Variants in IFT46 observed in about 807,000 individuals in gnomAD.
IFT46 encodes the protein intraflagellar transport protein 46 homolog.
IFT46 carries 19 observed loss-of-function variants against 39.6 expected under a neutral mutation model. That is an observed-to-expected ratio of 0.48 (90% CI 0.33 to 0.70). The LOEUF (loss-of-function observed/expected upper bound fraction) is 0.70, where lower values mean the gene tolerates loss of function less well. IFT46 is among the 30% of genes least tolerant of loss of function. The probability of loss-of-function intolerance (pLI) is 0.01; values close to 1 mark genes in which losing one functional copy is unlikely to be tolerated. For synonymous variants in IFT46, 117 were observed against 134.8 expected (o/e 0.87, Z 0.91); for missense variants, 334 against 364.8 (o/e 0.92, Z 0.69).
intron 6 of IFT46, 77 bp from the exon 7 acceptor site, chr11:118,554,664 CATT>C: frequency 2.8e-6 from 4 of 1,431,886 alleles, no homozygotes; most frequent in Non-Finnish European, 2.8e-6. Context: ...TCTGGTTCAT[CATT>C]ATTACTAGTA....
At chr11:118,562,495 G>A (rs1938093302) in intron 2 of IFT46, among the ~76,000 whole-genome samples, 1 of 152,012 alleles carries the variant, frequency 6.6e-6, no homozygotes, top group African/African-American at 2.4e-5. Flanking sequence ...GGCATTAACT[G>A]GAATGAAAAC....
chr11:118,545,601 C>A, intron 10 of IFT46, 107 bp from the exon 11 acceptor site: 1 of 1,122,982 alleles, frequency 8.9e-7, no homozygotes, highest in South Asian at 1.3e-5. Context: ...GTCGCTATGA[C>A]TTTGGGGGTT....
At chr11:118,567,567 C>T (rs890720048), upstream of IFT46, among the ~76,000 whole-genome samples, 1 of 152,156 alleles carries the variant, frequency 6.6e-6, no homozygotes, top group Non-Finnish European at 1.5e-5. Context: ...CAGGGCGAGA[C>T]TCCGTCTCAA....
upstream of IFT46, chr11:118,573,607 CT>C (rs1938409666): frequency 1.3e-5 from 9 of 689,738 alleles, no homozygotes; most frequent in Non-Finnish European, 2.1e-5. Context: ...CTTTTTTATT[CT>C]TTTGTCAATA....
At chr11:118,572,647 G>T in exon 1 of IFT46, 1 of 1,494,202 alleles carries the variant, frequency 6.7e-7, no homozygotes, top group East Asian at 2.5e-5. Context: ...GCCCCGCCCT[G>T]AGGGTCTAGG....
At chr11:118,550,648 T>A (rs1230203630) in intron 9 of IFT46, among the ~76,000 whole-genome samples, 1 of 152,196 alleles carries the variant, frequency 6.6e-6, no homozygotes, top group Non-Finnish European at 1.5e-5. Flanking sequence ...AATTCACATA[T>A]GTATACAGTT....
intron 2 of IFT46, among the ~76,000 whole-genome samples, chr11:118,563,706 A>G (rs11216899): frequency 0.14 from 21,825 of 152,112 alleles, 2,085 homozygotes; most frequent in East Asian, 0.49. Flanking sequence ...TGATCTGACC[A>G]TATCATACGG....
upstream of IFT46, among the ~76,000 whole-genome samples, chr11:118,574,242 C>T (rs1938429347): frequency 6.6e-6 from 1 of 152,140 alleles, no homozygotes. Flanking sequence ...TATCTCAGTA[C>T]ATTCTGCTCT....
upstream of IFT46, among the ~76,000 whole-genome samples, chr11:118,574,731 A>G (rs1166773335): frequency 1.3e-5 from 2 of 151,914 alleles, no homozygotes; most frequent in South Asian, 2.1e-4. Context: ...TCATCATAAA[A>G]TAAAGTACAA....
upstream of IFT46, among the ~76,000 whole-genome samples, chr11:118,568,946 G>A (rs747106010): frequency 2.6e-5 from 4 of 151,812 alleles, no homozygotes; most frequent in East Asian, 2.0e-4. Context: ...GTAAGCCACC[G>A]CACCTGGCCA....
intron 2 of IFT46, among the ~76,000 whole-genome samples, chr11:118,561,956 C>T (rs369960428): frequency 2.0e-5 from 3 of 151,838 alleles, no homozygotes; most frequent in Non-Finnish European, 2.9e-5. Context: ...CTGGGCAACA[C>T]GGTGAAACCC....
upstream of IFT46, among the ~76,000 whole-genome samples, chr11:118,567,570 C>T (rs1205485927): frequency 5.9e-5 from 9 of 152,094 alleles, no homozygotes; most frequent in East Asian, 1.9e-4. Flanking sequence ...GGCGAGACTC[C>T]GTCTCAAAAT....
chr11:118,554,947 A>G (rs782369335), intron 6 of IFT46, 43 bp downstream of exon 6: 73 of 1,371,218 alleles, frequency 5.3e-5, no homozygotes, highest in Middle Eastern at 5.3e-4. Flanking sequence ...GGGGCATCAG[A>G]AGAAACACTT....
At chr11:118,559,479 G>A (rs1937957697) in intron 3 of IFT46, among the ~76,000 whole-genome samples, 1 of 152,174 alleles carries the variant, frequency 6.6e-6, no homozygotes, top group South Asian at 2.1e-4. Flanking sequence ...ATTCTGGGCT[G>A]GGACTGGGAA....
Position 118,561,001 on chromosome 11 carries a change from G to A in IFT46, c.-35-1137C>T, listed in dbSNP as rs1938037379. On this transcript the variant is annotated intron_variant, in intron 2 of 11. Transcript: ENST00000264021. ...CAACTTATTGTACTGGCCTGCTGCT[G>A]GCCCGCAGGCTTCCCAATAGGTTTG... 10 of 1,433,340 alleles carry A rather than the reference G, an allele frequency of 7.0e-6. No homozygotes were observed. In the Admixed American group the frequency reaches 1.5e-4, roughly 22 times the overall value. 88.8% of individuals were successfully genotyped at this position (1,433,340 alleles called of 1,614,324 possible).
intron 11 of IFT46, 24 bp from the exon 12 acceptor site, chr11:118,545,035 A>G (rs1393974976): frequency 1.3e-6 from 2 of 1,490,348 alleles, no homozygotes; most frequent in Admixed American, 1.7e-5. Context: ...GAGAGGGAAT[A>G]TTGAGTATTA....
At chr11:118,545,905 A>G (rs782200049) in intron 9 of IFT46, 52 bp from the exon 10 acceptor site, 4 of 1,475,528 alleles carry the variant, frequency 2.7e-6, no homozygotes, top group Non-Finnish European at 2.8e-6. Context: ...CAGTGGTCCC[A>G]GAACCACTCT....
chr11:118,572,131 G>C (rs1938350995), intron 1 of IFT46, among the ~76,000 whole-genome samples: 1 of 151,996 alleles, frequency 6.6e-6, no homozygotes, highest in Non-Finnish European at 1.5e-5. Flanking sequence ...CCGGATACTG[G>C]TCTTTTAGGC....
chr11:118,545,912 C>T, intron 9 of IFT46, 59 bp from the exon 10 acceptor site: 2 of 1,370,324 alleles, frequency 1.5e-6, no homozygotes, highest in East Asian at 2.3e-5. Context: ...CCCAGAACCA[C>T]TCTCTCTCTC....
Sources: gnomAD v4.1 joint callset for allele counts (sites outside exome capture counted in the v4.1 genomes callset) on GRCh38, gnomAD v4.1.1 for gene constraint, MANE v1.5 for transcripts, NCBI Gene and HGNC (gene_info 2026-07-23, HGNC 2026-07-21) for gene names.